Variants in TSEN2 observed in about 807,000 individuals in gnomAD.
The protein encoded by TSEN2 is tRNA splicing endonuclease subunit 2.
In TSEN2, 54 loss-of-function variants were observed where a neutral mutation model predicts 59.2. The observed-to-expected ratio is 0.91, with a 90% CI of 0.73 to 1.14. The LOEUF (loss-of-function observed/expected upper bound fraction) is 1.14. Ranked by LOEUF, TSEN2 falls within the 50% of genes most tolerant of loss-of-function variation. The pLI, the probability that TSEN2 is intolerant of heterozygous loss-of-function variation, is 0.00. For synonymous variants in TSEN2, 195 were observed against 198.2 expected, an observed-to-expected ratio of 0.98 and a Z score of 0.14; for missense variants, 636 against 576.2, an observed-to-expected ratio of 1.10 and a Z score of -1.06.
At chr3:12,502,256 A>G (rs1368780897) in intron 4 of TSEN2, among the ~76,000 whole-genome samples, 3 of 152,238 alleles carry the variant, frequency 2.0e-5, no homozygotes, top group Non-Finnish European at 2.9e-5. Flanking sequence ...TGAAAATAAT[A>G]CAAAACAAGC....
chr3:12,481,857 A>G (rs139209261), upstream of TSEN2, among the ~76,000 whole-genome samples: 1 of 152,154 alleles, frequency 6.6e-6, no homozygotes, highest in Non-Finnish European at 1.5e-5. Flanking sequence ...TATAGAACAG[A>G]ATTACCTCAA....
intron 8 of TSEN2, 103 bp downstream of exon 8, chr3:12,519,300 A>G: frequency 1.3e-6 from 2 of 1,515,436 alleles, no homozygotes; most frequent in Non-Finnish European, 1.8e-6. Flanking sequence ...TTTTCTAAGA[A>G]GGTATCCTTT....
intron 8 of TSEN2, among the ~76,000 whole-genome samples, chr3:12,522,697 C>G (rs1225008105): frequency 6.6e-6 from 1 of 152,224 alleles, no homozygotes; most frequent in African/African-American, 2.4e-5. Flanking sequence ...TAATACAAGA[C>G]CATTGTGAAA....
At chr3:12,518,706 T>C (rs562907426) in intron 7 of TSEN2, among the ~76,000 whole-genome samples, 5 of 37,136 alleles carry the variant, frequency 1.3e-4, no homozygotes, top group East Asian at 2.6e-4. Flanking sequence ...TATTCTCTCT[T>C]TTTTTTTTTT....
At chr3:12,485,470 CT>C (rs2052518608) in intron 1 of TSEN2, among the ~76,000 whole-genome samples, 1 of 152,144 alleles carries the variant, frequency 6.6e-6, no homozygotes, top group East Asian at 1.9e-4. Context: ...CTCCGAGTCA[CT>C]TTCCACATCT....
downstream of TSEN2, among the ~76,000 whole-genome samples, chr3:12,534,261 T>G (rs957889540): frequency 3.3e-5 from 5 of 152,146 alleles, no homozygotes; most frequent in South Asian, 4.1e-4. Flanking sequence ...GCAAACAGTG[T>G]CAGAAAGATT....
At chr3:12,492,919 T>G (rs2053367237) in intron 3 of TSEN2, among the ~76,000 whole-genome samples, 1 of 152,234 alleles carries the variant, frequency 6.6e-6, no homozygotes, top group Admixed American at 6.5e-5. Flanking sequence ...GCATTTACTT[T>G]GTTTTCTTTT....
chr3:12,515,694 A>T (rs1038460237), intron 6 of TSEN2, among the ~76,000 whole-genome samples: 9 of 152,184 alleles, frequency 5.9e-5, no homozygotes, highest in Non-Finnish European at 1.3e-4. Flanking sequence ...GTGTGACTAT[A>T]TTCAACTGGA....
chr3:12,529,492 A>G (rs2057326317), intron 9 of TSEN2, among the ~76,000 whole-genome samples: 1 of 144,302 alleles, frequency 6.9e-6, no homozygotes, highest in African/African-American at 2.6e-5. Flanking sequence ...AAAATTAGTT[A>G]GTATTAGTGC....
intron 8 of TSEN2, among the ~76,000 whole-genome samples, chr3:12,520,828 T>C (rs1391337667): frequency 6.6e-6 from 1 of 152,164 alleles, no homozygotes; most frequent in Non-Finnish European, 1.5e-5. Context: ...TGTGCAGGTT[T>C]GTTACATGGG....
chr3:12,496,828 C>A (rs1434596341), intron 4 of TSEN2, among the ~76,000 whole-genome samples: 1 of 152,056 alleles, frequency 6.6e-6, no homozygotes, highest in African/African-American at 2.4e-5. Context: ...GTTATTAAGT[C>A]CTCATATTCT....
chr3:12,522,185 A>G (rs1223604660), intron 8 of TSEN2, among the ~76,000 whole-genome samples: 1 of 151,950 alleles, frequency 6.6e-6, no homozygotes, highest in Non-Finnish European at 1.5e-5. Flanking sequence ...TATACTTTGG[A>G]TGATGCATAG....
At chr3:12,501,855 G>A (rs999581802) in intron 4 of TSEN2, among the ~76,000 whole-genome samples, 1 of 152,196 alleles carries the variant, frequency 6.6e-6, no homozygotes, top group Non-Finnish European at 1.5e-5. Flanking sequence ...TTGACCTTCT[G>A]ATCAGATTTC....
At chr3:12,531,538 G>C in intron 10 of TSEN2, 32 bp from the exon 11 acceptor site, 2 of 1,440,724 alleles carry the variant, frequency 1.4e-6, no homozygotes, top group South Asian at 2.3e-5. Flanking sequence ...TTATTTTGTA[G>C]GATACAGAAG....
rs754554935 is a variant in TSEN2 at position 12,532,770 on chromosome 3, C to T, written c.*49C>T. 22 of 1,586,192 alleles carry T rather than the reference C, an allele frequency of 1.4e-5. No individual in the cohort carries two copies. The highest frequency in any genetic ancestry group is 1.8e-5 in the Non-Finnish European group (21 of 1,155,312). On this transcript the variant is annotated 3_prime_UTR_variant, in exon 12 of 12. Transcript: ENST00000284995. ...TTCACCAACAACTATTTATTGAGGG[C>T]TAGGTAAAAAGTTCTTTTTGTTGTA... is the stretch of plus-strand genomic sequence containing the variant.
chr3:12,531,527 A>G (rs1185180416), intron 10 of TSEN2, 43 bp from the exon 11 acceptor site: 10 of 1,371,272 alleles, frequency 7.3e-6, no homozygotes, highest in Admixed American at 1.7e-5. Flanking sequence ...AATTTGTACT[A>G]TTATTTTGTA....
chr3:12,497,520 G>A (rs73140744), intron 4 of TSEN2, among the ~76,000 whole-genome samples: 235 of 152,314 alleles, frequency 1.5e-3, no homozygotes, highest in African/African-American at 5.2e-3. Flanking sequence ...TGGTGTGTGG[G>A]AGGGACCTGC....
At chr3:12,523,526 C>CTTTTTTTTTTTTTTGTTTTTTTT (rs2056826556) in intron 8 of TSEN2, among the ~76,000 whole-genome samples, 2 of 46,480 alleles carry the variant, frequency 4.3e-5, no homozygotes, top group Non-Finnish European at 8.7e-5. Flanking sequence ...CTCTTTGATT[C>CTTTTTTTTTTTTTTGTTTTTTTT]TTTTTTTTTT....
intron 8 of TSEN2, among the ~76,000 whole-genome samples, chr3:12,523,175 T>A (rs944792602): frequency 1.3e-5 from 2 of 152,114 alleles, no homozygotes; most frequent in Admixed American, 1.3e-4. Context: ...TAACGCAGGA[T>A]TTATATTGTC....
Sources: allele counts gnomAD v4.1 joint callset (sites outside exome capture counted in the v4.1 genomes callset), GRCh38; gene constraint gnomAD v4.1.1; transcripts MANE v1.5; gene names NCBI Gene and HGNC (gene_info 2026-07-23, HGNC 2026-07-21).